ERBB4: variants seen among roughly 807,000 people sequenced by gnomAD.
ERBB4 encodes the protein erb-b2 receptor tyrosine kinase 4.
A neutral mutation model predicts 158.0 loss-of-function variants in ERBB4; 42 were observed. The observed-to-expected ratio is 0.27, with a 90% CI of 0.21 to 0.34. ERBB4 has a LOEUF of 0.34. Among genes scored for constraint, ERBB4 ranks in the 10% least tolerant of loss-of-function variants. ERBB4 has a pLI of 1.00. For synonymous variants in ERBB4, 583 were observed against 558.7 expected (o/e 1.04, Z -0.61); for missense variants, 1,333 against 1,624.1 (o/e 0.82, Z 3.08).
chr2:212,131,804 G>A (rs2080115026), intron 1 of ERBB4, among the ~76,000 whole-genome samples: 1 of 152,156 alleles, frequency 6.6e-6, no homozygotes, highest in Non-Finnish European at 1.5e-5. Flanking sequence ...ACGGTCCAGT[G>A]CATTTTGCAA....
chr2:212,283,751 C>T (rs2085848484), intron 1 of ERBB4, among the ~76,000 whole-genome samples: 1 of 151,946 alleles, frequency 6.6e-6, no homozygotes, highest in Non-Finnish European at 1.5e-5. Context: ...AAGGCTAGAT[C>T]CTTTTCCCTA....
intron 1 of ERBB4, among the ~76,000 whole-genome samples, chr2:212,261,697 G>A (rs2084950762): frequency 6.6e-6 from 1 of 152,086 alleles, no homozygotes; most frequent in Admixed American, 6.5e-5. Flanking sequence ...GAGAAGTTAA[G>A]ATGGGTAATA....
At chr2:211,410,928 G>A (rs2063243815) in intron 25 of ERBB4, among the ~76,000 whole-genome samples, 1 of 152,144 alleles carries the variant, frequency 6.6e-6, no homozygotes, top group Non-Finnish European at 1.5e-5. Context: ...GTTTTATTTT[G>A]AGACAGAGTC....
chr2:211,533,205 G>A (rs2066549425), intron 20 of ERBB4, among the ~76,000 whole-genome samples: 1 of 151,644 alleles, frequency 6.6e-6, no homozygotes, highest in African/African-American at 2.4e-5. Flanking sequence ...AAATTCCTTA[G>A]GTGTATACCA....
Position 211,850,102 on chromosome 2 carries a change from T to C in ERBB4, c.422-61943A>G, listed in dbSNP as rs1212370671. ...ATCGCTGTTTGCATAGAACCATATA[T>C]TTATTCACTGAAAGTTACCAGTTCT... On this transcript the variant is annotated intron_variant, in intron 3 of 27. Coordinates refer to ENST00000342788, the MANE Select transcript of ERBB4 (RefSeq NM_005235.3). 2.0e-5 allele frequency among the ~76,000 whole-genome samples: 3 copies of C among 152,002 alleles called. No individual in the cohort carries two copies. The East Asian group carries it at 5.8e-4, about 29-fold the overall frequency.
intron 20 of ERBB4, among the ~76,000 whole-genome samples, chr2:211,530,950 T>C (rs1490222279): frequency 6.6e-6 from 1 of 151,972 alleles, no homozygotes; most frequent in Non-Finnish European, 1.5e-5. Flanking sequence ...AGCATGGTAC[T>C]CACATAAAAA....
chr2:212,288,306 G>C (rs984843749), intron 1 of ERBB4, among the ~76,000 whole-genome samples: 3 of 152,184 alleles, frequency 2.0e-5, no homozygotes, highest in African/African-American at 7.2e-5. Flanking sequence ...GGCAAAAGGA[G>C]AATAGGTTAG....
intron 20 of ERBB4, among the ~76,000 whole-genome samples, chr2:211,532,009 T>A (rs2066513092): frequency 6.6e-6 from 1 of 151,814 alleles, no homozygotes; most frequent in African/African-American, 2.4e-5. Context: ...GAACTGGAGG[T>A]CATTATGTTA....
At chr2:212,088,143 C>G (rs1200650358) in intron 2 of ERBB4, among the ~76,000 whole-genome samples, 1 of 152,070 alleles carries the variant, frequency 6.6e-6, no homozygotes, top group African/African-American at 2.4e-5. Context: ...ATCAAGGAGA[C>G]TAAACTCTGC....
At chr2:212,003,174 AAAG>A (rs1280073733) in intron 2 of ERBB4, among the ~76,000 whole-genome samples, 11 of 44,556 alleles carry the variant, frequency 2.5e-4, no homozygotes, top group Non-Finnish European at 6.1e-4. Context: ...AGAAAGAAAG[AAAG>A]AAAGAAAGAA....
intron 1 of ERBB4, among the ~76,000 whole-genome samples, chr2:212,436,282 C>T (rs944400928): frequency 6.6e-5 from 10 of 151,784 alleles, no homozygotes; most frequent in South Asian, 2.1e-4. Flanking sequence ...AGTTTATATC[C>T]GCTATAGATC....
At chr2:212,517,573 G>A (rs888173988) in intron 1 of ERBB4, among the ~76,000 whole-genome samples, 5 of 152,004 alleles carry the variant, frequency 3.3e-5, no homozygotes, top group Non-Finnish European at 4.4e-5. Context: ...ACTCCCCCTT[G>A]TTAGCATGAG....
At chr2:212,227,921 T>C (rs1311771384) in intron 1 of ERBB4, among the ~76,000 whole-genome samples, 3 of 152,188 alleles carry the variant, frequency 2.0e-5, no homozygotes, top group Non-Finnish European at 4.4e-5. Flanking sequence ...TGCGACAGCA[T>C]GCTTTGGCAT....
At position 211,531,859 on chromosome 2, in the gene ERBB4, T is replaced by A. The variant is rs146671671; in HGVS notation, c.2487+30044A>T. 8.6e-3 allele frequency among the ~76,000 whole-genome samples: 1,307 copies of A among 152,214 alleles called. 14 individuals carry two copies. Among genetic ancestry groups the A allele is most frequent in the African/African-American group, 0.03 (1,243 of 41,558 alleles). ...TATATCAAAGAGATACCTGCACTCC[T>A]ATGTTTATTGCAGCACTATTCACAA... On this transcript the variant is annotated intron_variant, in intron 20 of 27. Transcript: ENST00000342788.
intron 1 of ERBB4, among the ~76,000 whole-genome samples, chr2:212,415,462 T>C (rs1359268107): frequency 7.9e-5 from 12 of 152,162 alleles, no homozygotes. Context: ...ATACCTGTAT[T>C]TGCAGATCTT....
At chr2:212,404,758 C>T (rs1310508311) in intron 1 of ERBB4, among the ~76,000 whole-genome samples, 1 of 151,898 alleles carries the variant, frequency 6.6e-6, no homozygotes, top group African/African-American at 2.4e-5. Context: ...AGGTGTTAAG[C>T]CCAGTACCTA....
intron 19 of ERBB4, among the ~76,000 whole-genome samples, chr2:211,614,231 C>A (rs945479440): frequency 6.6e-6 from 1 of 151,914 alleles, no homozygotes; most frequent in Non-Finnish European, 1.5e-5. Flanking sequence ...AACAATTGAA[C>A]TCATGAAGAT....
At chr2:211,941,164 TGA>T (rs1033431210) in intron 3 of ERBB4, among the ~76,000 whole-genome samples, 14 of 152,060 alleles carry the variant, frequency 9.2e-5, no homozygotes, top group African/African-American at 3.4e-4. Context: ...CTCTTTTCAC[TGA>T]TTCTCTCTGA....
chr2:211,438,989 A>AGTGTGT lies in ERBB4; in HGVS notation c.2488-7895_2488-7890dup, dbSNP rs58211149. Among the ~76,000 whole-genome samples the AGTGTGT allele has an allele frequency of 1.3e-3, 188 of 149,192 alleles. 1 individual carries two copies. Among genetic ancestry groups the AGTGTGT allele is most frequent in the South Asian group, 3.4e-3 (16 of 4,696 alleles). On this transcript the variant is annotated intron_variant, in intron 20 of 27. Transcript: ENST00000342788. ...ACAGATAGTCCCAATAATATATTTGAGTGTGTGTGTGTGTGTGTGTGTGTG... is the reference window on the plus strand; with the variant it reads ...ACAGATAGTCCCAATAATATATTTGAGTGTGTGTGTGTGTGTGTGTGTGTGTGTGTG...
Sources: allele counts gnomAD v4.1 joint callset (sites outside exome capture counted in the v4.1 genomes callset), GRCh38; gene constraint gnomAD v4.1.1; transcripts MANE v1.5; gene names NCBI Gene and HGNC (gene_info 2026-07-23, HGNC 2026-07-21).